The following NKAIN2 variants were observed in gnomAD, a reference collection of about 807,000 sequenced individuals.
NKAIN2 encodes the protein sodium/potassium transporting ATPase interacting 2, also known as sodium/potassium-transporting ATPase subunit beta-1-interacting protein 2.
A neutral mutation model predicts 32.6 loss-of-function variants in NKAIN2; 14 were observed. The ratio of observed to expected loss-of-function variants is 0.43; its 90% CI spans 0.28 to 0.67. The LOEUF is 0.67. Ranked by LOEUF, NKAIN2 falls within the 30% of genes least tolerant of loss-of-function variation. NKAIN2 has a pLI of 0.17. For synonymous variants in NKAIN2, 80 were observed against 87.2 expected (o/e 0.92, Z 0.46); for missense variants, 198 against 258.3 (o/e 0.77, Z 1.60).
chr6:124,630,791 T>TA (rs202197962), intron 3 of NKAIN2, among the ~76,000 whole-genome samples: 1 of 152,126 alleles, frequency 6.6e-6, no homozygotes, highest in African/African-American at 2.4e-5. Flanking sequence ...ATACAGTTAA[T>TA]AAAAACTAAA....
intron 3 of NKAIN2, among the ~76,000 whole-genome samples, chr6:124,491,742 G>A (rs1377253130): frequency 6.6e-6 from 1 of 151,842 alleles, no homozygotes; most frequent in Non-Finnish European, 1.5e-5. Flanking sequence ...ATACGATGTG[G>A]CGGAAAATGT....
At chr6:124,654,484 G>T (rs1273027916) in intron 3 of NKAIN2, among the ~76,000 whole-genome samples, 1 of 152,028 alleles carries the variant, frequency 6.6e-6, no homozygotes, top group African/African-American at 2.4e-5. Context: ...ACTTAGAACT[G>T]ACCCTCTGGA....
intron 1 of NKAIN2, among the ~76,000 whole-genome samples, chr6:123,954,575 C>G (rs1420268835): frequency 6.6e-6 from 1 of 152,188 alleles, no homozygotes; most frequent in Non-Finnish European, 1.5e-5. Flanking sequence ...GTATGATTAC[C>G]TACTCACTAT....
chr6:124,727,102 T>A (rs200624067), intron 4 of NKAIN2, among the ~76,000 whole-genome samples: 2 of 152,062 alleles, frequency 1.3e-5, no homozygotes, highest in Admixed American at 6.6e-5. Context: ...GAAAGTGAAG[T>A]GGAGAATGGA....
intron 4 of NKAIN2, among the ~76,000 whole-genome samples, chr6:124,703,302 T>C (rs919183099): frequency 1.3e-4 from 20 of 151,940 alleles, no homozygotes; most frequent in African/African-American, 4.8e-4. Flanking sequence ...AACAAAGACC[T>C]ACATGAGAAA....
At chr6:124,190,119 T>C (rs1789942632) in intron 1 of NKAIN2, among the ~76,000 whole-genome samples, 1 of 152,208 alleles carries the variant, frequency 6.6e-6, no homozygotes, top group Non-Finnish European at 1.5e-5. Flanking sequence ...CCTTGGCCCA[T>C]AGACAGGGTT....
intron 1 of NKAIN2, among the ~76,000 whole-genome samples, chr6:123,840,929 C>T (rs1562212337): frequency 6.6e-6 from 1 of 152,058 alleles, no homozygotes; most frequent in African/African-American, 2.4e-5. Flanking sequence ...AAAAGGAAAA[C>T]AAATTGTTTC....
chr6:124,514,905 C>CT (rs1414335364), intron 3 of NKAIN2, among the ~76,000 whole-genome samples: 3 of 152,078 alleles, frequency 2.0e-5, no homozygotes, highest in Non-Finnish European at 4.4e-5. Context: ...GTTCACTGAC[C>CT]TTTATCCACT....
chr6:124,413,740 A>G (rs1774330758), intron 3 of NKAIN2, among the ~76,000 whole-genome samples: 1 of 152,218 alleles, frequency 6.6e-6, no homozygotes, highest in Admixed American at 6.5e-5. Context: ...TGGAAAATAT[A>G]CATATCTTTC....
At chr6:124,218,272 C>T (rs143063339) in intron 1 of NKAIN2, among the ~76,000 whole-genome samples, 40 of 151,930 alleles carry the variant, frequency 2.6e-4, no homozygotes, top group African/African-American at 9.7e-4. Context: ...TGTTTTGGCG[C>T]GTGCGTGGAG....
chr6:124,405,492 A>G (rs1478841992), intron 3 of NKAIN2, among the ~76,000 whole-genome samples: 1 of 151,486 alleles, frequency 6.6e-6, no homozygotes, highest in Non-Finnish European at 1.5e-5. Context: ...AGAAAGTCTC[A>G]TGAATTCACA....
intron 3 of NKAIN2, among the ~76,000 whole-genome samples, chr6:124,441,091 G>A (rs1775668398): frequency 6.6e-6 from 1 of 151,994 alleles, no homozygotes; most frequent in Non-Finnish European, 1.5e-5. Flanking sequence ...GTATAAAGCT[G>A]GAAGCTTATG....
chr6:124,454,922 C>A (rs946016670), intron 3 of NKAIN2, among the ~76,000 whole-genome samples: 2 of 151,958 alleles, frequency 1.3e-5, no homozygotes, highest in Non-Finnish European at 2.9e-5. Context: ...AAGCACTCAG[C>A]CTTGACAATG....
At chr6:124,374,015 A>G (rs1300128492) in intron 3 of NKAIN2, among the ~76,000 whole-genome samples, 1 of 152,120 alleles carries the variant, frequency 6.6e-6, no homozygotes. Context: ...AGATGTTTGT[A>G]TGCTGATGGA....
At chr6:124,089,389 T>G (rs945759297) in intron 1 of NKAIN2, among the ~76,000 whole-genome samples, 5 of 151,864 alleles carry the variant, frequency 3.3e-5, no homozygotes, top group Admixed American at 6.6e-5. Flanking sequence ...TATTGTTCTC[T>G]TCTTTCTTTT....
At chr6:123,974,120 A>T (rs1778451069) in intron 1 of NKAIN2, among the ~76,000 whole-genome samples, 1 of 152,306 alleles carries the variant, frequency 6.6e-6, no homozygotes, top group East Asian at 1.9e-4. Context: ...GATCAGAATG[A>T]GAACATCCTA....
At chr6:124,164,470 G>C (rs747613329) in intron 1 of NKAIN2, among the ~76,000 whole-genome samples, 2 of 152,026 alleles carry the variant, frequency 1.3e-5, no homozygotes, top group Non-Finnish European at 2.9e-5. Flanking sequence ...GAGAAGCAGA[G>C]TTTTCAGTGC....
chr6:124,190,117 CA>C (rs1030476568), intron 1 of NKAIN2, among the ~76,000 whole-genome samples: 5 of 152,208 alleles, frequency 3.3e-5, no homozygotes, highest in African/African-American at 1.2e-4. Context: ...GACCTTGGCC[CA>C]TAGACAGGGT....
chr6:124,541,269 A>C (rs928128155), intron 3 of NKAIN2, among the ~76,000 whole-genome samples: 1 of 152,158 alleles, frequency 6.6e-6, no homozygotes, highest in Admixed American at 6.5e-5. Context: ...GGTAGTCTCT[A>C]TATTATTGAA....
Sources: allele counts gnomAD v4.1 joint callset (sites outside exome capture counted in the v4.1 genomes callset), GRCh38; gene constraint gnomAD v4.1.1; transcripts MANE v1.5; gene names NCBI Gene and HGNC (gene_info 2026-07-23, HGNC 2026-07-21).